GTF2F2: variants seen among roughly 807,000 people sequenced by gnomAD.
The protein encoded by GTF2F2 is ATP-dependent helicase GTF2F2.
GTF2F2 carries 23 observed loss-of-function variants against 42.2 expected under a neutral mutation model. The observed-to-expected ratio is 0.55, with a 90% CI of 0.39 to 0.77. The LOEUF (loss-of-function observed/expected upper bound fraction) is 0.77, where lower values mean the gene tolerates loss of function less well. Among genes scored for constraint, GTF2F2 ranks in the 30% least tolerant of loss-of-function variants. GTF2F2 has a pLI of 0.00. For missense variants in GTF2F2, 261 were observed against 287.2 expected, an observed-to-expected ratio of 0.91 and a Z score of 0.66; for synonymous variants, 105 against 100.8, an observed-to-expected ratio of 1.04 and a Z score of -0.25.
Position 45,187,284 on chromosome 13 carries a change from T to G in GTF2F2, c.305-20140T>G, listed in dbSNP as rs542800423. 3.9e-5 allele frequency among the ~76,000 whole-genome samples: 6 copies of G among 152,288 alleles called. No individual in the cohort carries two copies. The East Asian group carries it at 1.2e-3, about 29-fold the overall frequency. The stretch of plus-strand genomic sequence containing the variant: ...AAAATTTAAAAGGGGTATGTTTTAA[T>G]TGTCTCATTTTTAAATATCCAATTC... On this transcript the variant is annotated intron_variant, in intron 4 of 7. Coordinates refer to ENST00000340473, the MANE Select transcript of GTF2F2 (RefSeq NM_004128.3).
chr13:45,278,628 G>A (rs1394510629), intron 7 of GTF2F2, among the ~76,000 whole-genome samples: 1 of 152,010 alleles, frequency 6.6e-6, no homozygotes, highest in Non-Finnish European at 1.5e-5. Context: ...AAGAGGAGGA[G>A]AACTCCTTTC....
intron 4 of GTF2F2, among the ~76,000 whole-genome samples, chr13:45,188,871 T>A (rs548449836): frequency 6.6e-6 from 1 of 152,308 alleles, no homozygotes; most frequent in Admixed American, 6.5e-5. Context: ...GCAGACAAAT[T>A]TGTGATATTC....
intron 7 of GTF2F2, among the ~76,000 whole-genome samples, chr13:45,271,481 C>G (rs913803258): frequency 1.3e-5 from 2 of 151,772 alleles, no homozygotes; most frequent in Non-Finnish European, 1.5e-5. Flanking sequence ...CCTCCTAGTT[C>G]AAGCGATTCT....
intron 4 of GTF2F2, among the ~76,000 whole-genome samples, chr13:45,191,631 A>C (rs979471467): frequency 6.6e-6 from 1 of 152,138 alleles, no homozygotes; most frequent in Non-Finnish European, 1.5e-5. Context: ...ATTTGAATAT[A>C]TAAATCCAAG....
At chr13:45,144,843 G>T (rs971332445) in intron 2 of GTF2F2, among the ~76,000 whole-genome samples, 47 of 152,302 alleles carry the variant, frequency 3.1e-4, no homozygotes, top group Non-Finnish European at 1.5e-4. Context: ...TTAGAACAGT[G>T]TTATACTGAT....
chr13:45,126,344 C>T (rs780249397), intron 1 of GTF2F2, among the ~76,000 whole-genome samples: 9 of 151,486 alleles, frequency 5.9e-5, no homozygotes, highest in East Asian at 1.9e-4. Context: ...CTCCGCCTCC[C>T]GGCTTCAAGC....
At chr13:45,281,427 A>T (rs929838225) in intron 7 of GTF2F2, among the ~76,000 whole-genome samples, 1 of 152,248 alleles carries the variant, frequency 6.6e-6, no homozygotes, top group Non-Finnish European at 1.5e-5. Flanking sequence ...GTGGCATTAG[A>T]TTATGTTGGT....
chr13:45,190,994 G>A (rs1872594234), intron 4 of GTF2F2, among the ~76,000 whole-genome samples: 1 of 150,490 alleles, frequency 6.6e-6, no homozygotes, highest in Non-Finnish European at 1.5e-5. Context: ...CTTCAGTCTG[G>A]CATGGTAGTC....
intron 7 of GTF2F2, among the ~76,000 whole-genome samples, chr13:45,281,321 T>A (rs1018602247): frequency 1.3e-5 from 2 of 152,170 alleles, no homozygotes; most frequent in Non-Finnish European, 2.9e-5. Context: ...CTCTGTATAC[T>A]TCCAGTACTA....
chr13:45,226,470 G>GT (rs946206465), intron 5 of GTF2F2, among the ~76,000 whole-genome samples: 1 of 152,066 alleles, frequency 6.6e-6, no homozygotes, highest in Middle Eastern at 3.2e-3. Context: ...TTTCTAAGCA[G>GT]TTTTTTCCAT....
intron 5 of GTF2F2, among the ~76,000 whole-genome samples, chr13:45,244,661 G>C (rs1285761700): frequency 6.6e-6 from 1 of 152,120 alleles, no homozygotes; most frequent in Admixed American, 6.6e-5. Flanking sequence ...GATAGTCATT[G>C]TTAGTCATTA....
intron 6 of GTF2F2, among the ~76,000 whole-genome samples, chr13:45,265,737 CAA>C (rs1356366058): frequency 6.6e-6 from 1 of 152,144 alleles, no homozygotes; most frequent in Non-Finnish European, 1.5e-5. Flanking sequence ...CCTTTTATAA[CAA>C]ATCTTTATTG....
At chr13:45,194,385 A>G (rs1872784366) in intron 4 of GTF2F2, 5 of 1,613,988 alleles carry the variant, frequency 3.1e-6, no homozygotes, top group Admixed American at 1.7e-5. Flanking sequence ...CATTTACTAT[A>G]CCTTCAAGGA....
At chr13:45,156,079 C>T (rs967821726) in intron 4 of GTF2F2, among the ~76,000 whole-genome samples, 5 of 152,174 alleles carry the variant, frequency 3.3e-5, no homozygotes, top group Admixed American at 3.3e-4. Context: ...GGACTACAGG[C>T]GTGCACCACC....
intron 4 of GTF2F2, among the ~76,000 whole-genome samples, chr13:45,203,679 A>G (rs1210221310): frequency 9.9e-5 from 15 of 152,238 alleles, no homozygotes; most frequent in South Asian, 2.1e-4. Flanking sequence ...AAACTAATAT[A>G]GACAAGTTCT....
chr13:45,200,244 G>C (rs923429019), intron 4 of GTF2F2, among the ~76,000 whole-genome samples: 7 of 152,100 alleles, frequency 4.6e-5, no homozygotes, highest in African/African-American at 1.7e-4. Flanking sequence ...TTTGCAGGGA[G>C]ATGAGAGAGA....
At chr13:45,124,445 G>A (rs1475188250) in intron 1 of GTF2F2, among the ~76,000 whole-genome samples, 7 of 150,896 alleles carry the variant, frequency 4.6e-5, no homozygotes, top group Admixed American at 3.3e-4. Context: ...GCCTGTAATC[G>A]CAGCACTTTG....
chr13:45,194,639 G>T, intron 4 of GTF2F2: 1 of 1,347,532 alleles, frequency 7.4e-7, no homozygotes. Context: ...TACCACACAA[G>T]CACGCCTTTA....
chr13:45,236,065 C>G (rs1174180593), intron 5 of GTF2F2, among the ~76,000 whole-genome samples: 2 of 152,118 alleles, frequency 1.3e-5, no homozygotes, highest in African/African-American at 2.4e-5. Context: ...TAATTGTTTT[C>G]TAGAGAAAGA....
Sources: allele counts gnomAD v4.1 joint callset (sites outside exome capture counted in the v4.1 genomes callset), GRCh38; gene constraint gnomAD v4.1.1; transcripts MANE v1.5; gene names NCBI Gene and HGNC (gene_info 2026-07-23, HGNC 2026-07-21).